Variants in CDH26 observed in about 807,000 individuals in gnomAD.
CDH26 encodes the protein cadherin 26, also known as cadherin-like protein 26.
A neutral mutation model predicts 90.3 loss-of-function variants in CDH26; 83 were observed. The ratio of observed to expected loss-of-function variants is 0.92; its 90% CI spans 0.77 to 1.10. The LOEUF (loss-of-function observed/expected upper bound fraction) is 1.10. CDH26 is among the 50% of genes least tolerant of loss of function. CDH26 has a pLI of 0.00. For missense variants in CDH26, 1,013 were observed against 1,037.6 expected (o/e 0.98, Z 0.33); for synonymous variants, 397 against 396.3 (o/e 1.00, Z -0.02).
intron 4 of CDH26, among the ~76,000 whole-genome samples, chr20:59,981,571 AT>A (rs1159851587): frequency 6.6e-6 from 1 of 152,104 alleles, no homozygotes; most frequent in Non-Finnish European, 1.5e-5. Flanking sequence ...GCTGAAATTG[AT>A]TTTCGAAAGT....
intron 7 of CDH26, among the ~76,000 whole-genome samples, chr20:60,025,456 T>C (rs916752404): frequency 3.3e-5 from 5 of 152,250 alleles, no homozygotes; most frequent in Admixed American, 3.3e-4. Context: ...TAAATATCCC[T>C]TTCCACTGAC....
chr20:59,974,540 A>T (rs540951043), intron 4 of CDH26, among the ~76,000 whole-genome samples: 1 of 152,322 alleles, frequency 6.6e-6, no homozygotes, highest in East Asian at 1.9e-4. Flanking sequence ...CATTTAGAGC[A>T]AAGAGTGACA....
In CDH26 at chr20:59,984,698, C is replaced by T. The variant is rs755376152; in HGVS notation, c.601C>T (p.Gln201Ter). Reference protein sequence around the residue: ...DLDEENTPNSQVLYFLISQTP... With the variant: ...DLDEENTPNS ...GGATGAAGAAAACACTCCAAATTCT[C>T]AAGTCCTTTACTTCCTCATTTCTCA... The change falls in exon 6 of 18, where the codon CAA (glutamine) becomes TAA (stop). Residue 201 changes from glutamine to a stop codon, truncating the protein, a stop_gained. Coordinates refer to ENST00000348616, the MANE Select transcript of CDH26 (RefSeq NM_177980.4). LOFTEE classifies it high-confidence loss of function. The T allele has an allele frequency of 6.2e-7, 1 of 1,613,866 alleles. No individual in the cohort carries two copies. Among genetic ancestry groups the T allele is most frequent in the Non-Finnish European group, 8.5e-7 (1 of 1,179,872 alleles).
intron 17 of CDH26, among the ~76,000 whole-genome samples, chr20:60,009,328 A>G (rs1273477516): frequency 3.3e-5 from 5 of 152,012 alleles, no homozygotes; most frequent in Admixed American, 1.3e-4. Context: ...GCTCTGCTAC[A>G]CTCTCGGGTG....
At chr20:59,968,047 C>CTCTG (rs2061200245) in intron 1 of CDH26, among the ~76,000 whole-genome samples, 1 of 137,234 alleles carries the variant, frequency 7.3e-6, no homozygotes, top group African/African-American at 3.1e-5. Flanking sequence ...CTCTCTCTCT[C>CTCTG]TCTCTGTCTC....
At chr20:59,989,883 A>G (rs139493225) in intron 9 of CDH26, among the ~76,000 whole-genome samples, 2,320 of 152,294 alleles carry the variant, frequency 0.015, 71 homozygotes, top group African/African-American at 0.052. Context: ...TATACATAAA[A>G]TTTACCATTT....
At chr20:60,019,072 GA>G (rs766359837), downstream of CDH26, among the ~76,000 whole-genome samples, 36 of 152,216 alleles carry the variant, frequency 2.4e-4, no homozygotes, top group Non-Finnish European at 4.7e-4. Context: ...TTTCTGCTGA[GA>G]AATCCGCAGT....
At chr20:60,035,000 T>C (rs1269840549), downstream of CDH26, among the ~76,000 whole-genome samples, 2 of 152,238 alleles carry the variant, frequency 1.3e-5, no homozygotes, top group African/African-American at 4.8e-5. Flanking sequence ...TGGTTCATAG[T>C]ATCTTCTAAA....
intron 9 of CDH26, among the ~76,000 whole-genome samples, chr20:59,991,580 G>T (rs2061528296): frequency 6.6e-6 from 1 of 152,214 alleles, no homozygotes; most frequent in South Asian, 2.1e-4. Context: ...TGCACAAAAA[G>T]CTTCAATCCC....
chr20:60,002,037 A>G (rs1253161583), intron 15 of CDH26, among the ~76,000 whole-genome samples: 1 of 152,120 alleles, frequency 6.6e-6, no homozygotes, highest in Non-Finnish European at 1.5e-5. Flanking sequence ...CCTTATTTGG[A>G]CCTCACCAGT....
At position 60,010,630 on chromosome 20, in the gene CDH26, G is replaced by A. The variant is rs569720411; in HGVS notation, c.2296-1897G>A. 9.8e-5 allele frequency among the ~76,000 whole-genome samples: 15 copies of A among 152,318 alleles called. No individual in the cohort carries two copies. In the South Asian group the frequency reaches 3.1e-3, roughly 32 times the overall value. ...AGATTGGCAGAGGAGGGCTGTCTAG[G>A]ATTCTAGGCAGACAGGAATGAGCAG... On this transcript the variant is annotated intron_variant, in intron 17 of 17. Coordinates refer to ENST00000348616, the MANE Select transcript of CDH26 (RefSeq NM_177980.4).
intron 1 of CDH26, among the ~76,000 whole-genome samples, chr20:59,964,511 G>C (rs996370565): frequency 1.3e-5 from 2 of 151,340 alleles, no homozygotes; most frequent in South Asian, 4.2e-4. Context: ...TTCCTCTTTG[G>C]ACAGACTGCC....
At chr20:60,015,229 G>T (rs1046974545), downstream of CDH26, among the ~76,000 whole-genome samples, 1 of 152,030 alleles carries the variant, frequency 6.6e-6, no homozygotes, top group African/African-American at 2.4e-5. Context: ...CAGGTGATCC[G>T]CCCACCTCAG....
chr20:60,000,937 C>T (rs2061667883), intron 14 of CDH26, among the ~76,000 whole-genome samples: 1 of 152,188 alleles, frequency 6.6e-6, no homozygotes, highest in Non-Finnish European at 1.5e-5. Context: ...AATATAACTT[C>T]ATTATTGAAG....
intron 16 of CDH26, among the ~76,000 whole-genome samples, chr20:60,004,347 A>G (rs1383816944): frequency 2.6e-5 from 4 of 152,164 alleles, no homozygotes; most frequent in Non-Finnish European, 5.9e-5. Context: ...ACACAAACCT[A>G]AATGGTGTAG....
chr20:59,987,056 C>T (rs530707613), intron 7 of CDH26, among the ~76,000 whole-genome samples: 16 of 152,254 alleles, frequency 1.1e-4, no homozygotes, highest in African/African-American at 3.9e-4. Flanking sequence ...AAAATGATCA[C>T]CTTAATCTGA....
At chr20:59,982,338 A>T (rs1229778655) in intron 4 of CDH26, among the ~76,000 whole-genome samples, 1 of 152,210 alleles carries the variant, frequency 6.6e-6, no homozygotes, top group Non-Finnish European at 1.5e-5. Context: ...ATGTCTTTTT[A>T]AAATTTCTTA....
chr20:60,005,041 T>C (rs2061728476), intron 16 of CDH26, among the ~76,000 whole-genome samples: 1 of 152,010 alleles, frequency 6.6e-6, no homozygotes, highest in Admixed American at 6.6e-5. Flanking sequence ...CAACCCTTCT[T>C]CTCCCTCCTC....
chr20:59,983,082 T>TG lies in CDH26; in HGVS notation c.541+18dup, dbSNP rs1252155644. ...AAACCAATCTGCAGGTGTGTGCGGC[T>TG]GGGGGGCTGCCGGGCTTCCTTCTGT... On this transcript the variant is annotated intron_variant, in intron 5 of 17. Transcript: ENST00000348616. The TG allele has an allele frequency of 6.2e-7, 1 of 1,612,200 alleles. No individual in the cohort carries two copies. The highest frequency in any genetic ancestry group is 2.2e-5 in the East Asian group (1 of 44,842).
Sources: gnomAD v4.1 joint callset for allele counts (sites outside exome capture counted in the v4.1 genomes callset) on GRCh38, gnomAD v4.1.1 for gene constraint, MANE v1.5 for transcripts, NCBI Gene and HGNC (gene_info 2026-07-23, HGNC 2026-07-21) for gene names.